RTL4: variants seen among roughly 807,000 people sequenced by gnomAD.
RTL4 encodes retrotransposon Gag-like protein 4.
RTL4 carries 4 observed loss-of-function variants against 5.3 expected under a neutral mutation model. The ratio of observed to expected loss-of-function variants is 0.75; its 90% CI spans 0.37 to 1.72. The LOEUF is 1.72. Ranked by LOEUF, RTL4 falls within the 40% of genes most tolerant of loss-of-function variation. The pLI is 0.04. For synonymous variants in RTL4, 98 were observed against 87.3 expected (o/e 1.12, Z -0.68); for missense variants, 260 against 227.1 (o/e 1.14, Z -0.93).
At chrX:112,198,029 C>G in the RTL4 span, among the ~76,000 whole-genome samples, 1 of 111,111 alleles carries the variant, frequency 9.0e-6, no homozygotes, top group Non-Finnish European at 1.9e-5. Flanking sequence ...CAGAAGGCCT[C>G]GTCTGAGAGT....
chrX:112,227,710 G>A, the RTL4 span, among the ~76,000 whole-genome samples: 2 of 111,800 alleles, frequency 1.8e-5, no homozygotes, highest in Non-Finnish European at 1.9e-5. Context: ...TTAGTCATTC[G>A]GTAATATCGA....
chrX:112,106,123 A>C, the RTL4 span, among the ~76,000 whole-genome samples: 1 of 112,059 alleles, frequency 8.9e-6, no homozygotes, highest in African/African-American at 3.2e-5. Flanking sequence ...TTGTGTACCT[A>C]TTGAAATGGT....
the RTL4 span, among the ~76,000 whole-genome samples, chrX:112,309,866 A>G: frequency 2.2e-4 from 23 of 106,289 alleles, no homozygotes; most frequent in Non-Finnish European, 3.7e-4. Flanking sequence ...ACACACATAT[A>G]TACATACATA....
At chrX:112,355,014 A>G in the RTL4 span, among the ~76,000 whole-genome samples, 57 of 111,688 alleles carry the variant, frequency 5.1e-4, no homozygotes, top group African/African-American at 1.9e-3. Context: ...CACATGAGTT[A>G]TTTCATGTAA....
At chrX:112,237,677 A>G in the RTL4 span, among the ~76,000 whole-genome samples, 2 of 112,613 alleles carry the variant, frequency 1.8e-5, no homozygotes, top group African/African-American at 6.5e-5. Flanking sequence ...CATTGTTATA[A>G]TGGAGGTAAA....
the RTL4 span, among the ~76,000 whole-genome samples, chrX:112,230,998 G>A: frequency 5.4e-5 from 6 of 111,150 alleles, no homozygotes; most frequent in Admixed American, 2.9e-4. Context: ...GGCCATCAGA[G>A]AAATGCAAAT....
the RTL4 span, among the ~76,000 whole-genome samples, chrX:112,346,062 G>A: frequency 1.8e-5 from 2 of 111,822 alleles, no homozygotes; most frequent in Non-Finnish European, 3.8e-5. Context: ...ACACATACTT[G>A]CATAGAAAAA....
the RTL4 span, among the ~76,000 whole-genome samples, chrX:112,141,236 A>G: frequency 2.7e-5 from 3 of 111,949 alleles, no homozygotes; most frequent in Non-Finnish European, 5.6e-5. Context: ...GCTAATCTGT[A>G]TAAGTACAGT....
chrX:112,217,200 T>C, the RTL4 span, among the ~76,000 whole-genome samples: 3 of 111,498 alleles, frequency 2.7e-5, no homozygotes, highest in African/African-American at 9.8e-5. Context: ...AGAGCCTTCT[T>C]GTCCTCTTAA....
the RTL4 span, among the ~76,000 whole-genome samples, chrX:112,152,516 A>G: frequency 9.0e-6 from 1 of 111,451 alleles, no homozygotes; most frequent in Non-Finnish European, 1.9e-5. Flanking sequence ...TTTCTACTAT[A>G]TAATTATTGG....
At chrX:112,355,212 A>G in the RTL4 span, among the ~76,000 whole-genome samples, 1 of 111,457 alleles carries the variant, frequency 9.0e-6, no homozygotes, top group Non-Finnish European at 1.9e-5. Flanking sequence ...AACACTTCGA[A>G]TTATTGATTC....
the RTL4 span, among the ~76,000 whole-genome samples, chrX:112,310,836 AT>A: frequency 1.1e-5 from 1 of 89,030 alleles, no homozygotes; most frequent in Non-Finnish European, 2.1e-5. Flanking sequence ...TACATTATAT[AT>A]TATATATAAA....
At chrX:112,358,135 G>GTC in the RTL4 span, among the ~76,000 whole-genome samples, 1 of 109,482 alleles carries the variant, frequency 9.1e-6, no homozygotes, top group Non-Finnish European at 1.9e-5. Context: ...TTTAGGCAGG[G>GTC]TCTCACTCTG....
the RTL4 span, among the ~76,000 whole-genome samples, chrX:112,098,373 G>T: frequency 1.1e-4 from 12 of 111,206 alleles, no homozygotes; most frequent in Non-Finnish European, 1.7e-4. Context: ...TAGACATTTG[G>T]GTTGGTTCCA....
chrX:112,104,939 T>C, the RTL4 span, among the ~76,000 whole-genome samples: 24 of 112,055 alleles, frequency 2.1e-4, no homozygotes, highest in South Asian at 8.9e-3. Context: ...CCTGTACTTT[T>C]GGATTTATAT....
At chrX:112,124,533 AT>A in the RTL4 span, among the ~76,000 whole-genome samples, 8 of 111,580 alleles carry the variant, frequency 7.2e-5, 1 homozygote, top group Admixed American at 6.7e-4. Flanking sequence ...GACATTTTGG[AT>A]GAAGCTGGAA....
chrX:112,114,569 A>C, the RTL4 span, among the ~76,000 whole-genome samples: 2 of 111,773 alleles, frequency 1.8e-5, no homozygotes, highest in Admixed American at 9.4e-5. Context: ...TAAATCAGAG[A>C]GAGAGAAGGG....
chrX:112,255,583 A>G, the RTL4 span, among the ~76,000 whole-genome samples: 1,687 of 111,392 alleles, frequency 0.015, 33 homozygotes, highest in African/African-American at 0.052. Flanking sequence ...AGTAAATATT[A>G]TTTTCATTCC....
chrX:112,182,744 T>G, the RTL4 span, among the ~76,000 whole-genome samples: 1 of 112,138 alleles, frequency 8.9e-6, no homozygotes, highest in African/African-American at 3.2e-5. Context: ...AAAACACTCT[T>G]CAGGATATTA....
Sources: allele counts gnomAD v4.1 joint callset (sites outside exome capture counted in the v4.1 genomes callset), GRCh38; gene constraint gnomAD v4.1.1; transcripts MANE v1.5; gene names NCBI Gene and HGNC (gene_info 2026-07-23, HGNC 2026-07-21).